The following RERE variants were observed in gnomAD, a reference collection of about 807,000 sequenced individuals.
The protein encoded by RERE is arginine-glutamic acid dipeptide repeats protein.
Under a neutral mutation model 146.1 loss-of-function variants are expected in RERE, and 40 were observed. The observed-to-expected ratio is 0.27, with a 90% CI of 0.21 to 0.36. The LOEUF (loss-of-function observed/expected upper bound fraction) is 0.36. Among genes scored for constraint, RERE ranks in the 10% least tolerant of loss-of-function variants. The probability of loss-of-function intolerance (pLI) is 1.00; values close to 1 mark genes in which losing one functional copy is unlikely to be tolerated. For synonymous variants in RERE, 1,003 were observed against 866.0 expected (o/e 1.16, Z -2.78); for missense variants, 1,933 against 2,138.7 (o/e 0.90, Z 1.90).
Position 8,358,298 on chromosome 1 carries a change from G to A in RERE, c.4237C>T (p.Pro1413Ser), listed in dbSNP as rs775889822. 6.2e-7 allele frequency: 1 copy of A among 1,613,658 alleles called. No individual in the cohort carries two copies. Among genetic ancestry groups the A allele is most frequent in the South Asian group, 1.1e-5 (1 of 91,076 alleles). ...TTGAACATCTGCAGTCGGGCCAGGG[G>A]ATCGCTGGTCAGCGATGCCATGCGC... ...AERMASLTSD[P>S]LARLQMFNVT... Residue 1413 changes from proline (P) to serine (S), a missense_variant, in exon 20 of 23, where the codon CCC (proline) becomes TCC (serine). Around this residue, in one of 11 missense-constraint regions of RERE, gnomAD observed 47 missense variants for 58.6 expected, o/e 0.80. Coordinates refer to ENST00000400908, the MANE Select transcript of RERE (RefSeq NM_001042681.2).
At chr1:8,676,215 G>A (rs1186428215) in intron 1 of RERE, among the ~76,000 whole-genome samples, 2 of 152,058 alleles carry the variant, frequency 1.3e-5, no homozygotes, top group Admixed American at 6.5e-5. Flanking sequence ...TCACAGATTA[G>A]AATAACACAA....
At position 8,509,399 on chromosome 1, in the gene RERE, G is replaced by GCCATCCATCCATCCAT. The variant is rs755830199; in HGVS notation, c.831-740_831-725dup. Among the ~76,000 whole-genome samples, 20 of 137,220 alleles carry GCCATCCATCCATCCAT rather than the reference G, an allele frequency of 1.5e-4. 1 individual carries two copies. The highest frequency in any genetic ancestry group is 4.9e-4 in the African/African-American group (19 of 38,674). 90.0% of individuals were successfully genotyped at this position (137,220 alleles called of 152,430 possible). A position where few individuals can be genotyped will look rare whatever the true frequency, so the allele number is the denominator to read the frequency against. On this transcript the variant is annotated intron_variant, in intron 7 of 22. Coordinates refer to ENST00000400908, the MANE Select transcript of RERE (RefSeq NM_001042681.2). ...AAACTTATCCTAGGACATATACTGA[G>GCCATCCATCCATCCAT]CCATCCATCCATCCATCCATCCATC...
At chr1:8,605,716 T>G (rs150762398) in intron 4 of RERE, among the ~76,000 whole-genome samples, 1,331 of 110,042 alleles carry the variant, frequency 0.012, 22 homozygotes, top group African/African-American at 0.046. Flanking sequence ...TTGCACTCCA[T>G]CCTGGGCAAC....
At chr1:8,760,313 C>A (rs561032238) in intron 1 of RERE, among the ~76,000 whole-genome samples, 2 of 152,400 alleles carry the variant, frequency 1.3e-5, no homozygotes, top group South Asian at 2.1e-4. Flanking sequence ...AGGCGTAAGC[C>A]ACTGCGCCCA....
intron 11 of RERE, among the ~76,000 whole-genome samples, chr1:8,446,368 CT>C (rs1344233315): frequency 6.6e-6 from 1 of 152,010 alleles, no homozygotes; most frequent in African/African-American, 2.4e-5. Flanking sequence ...CTGATATGGG[CT>C]TCCCTTTGTG....
chr1:8,682,007 T>C (rs938275976), intron 1 of RERE, among the ~76,000 whole-genome samples: 1 of 152,202 alleles, frequency 6.6e-6, no homozygotes, highest in Non-Finnish European at 1.5e-5. Flanking sequence ...CATTTCAACA[T>C]AACCATGCAA....
In RERE at chr1:8,733,825, A is replaced by G. The variant is rs561834133; in HGVS notation, c.-144-77384T>C. On this transcript the variant is annotated intron_variant, in intron 1 of 22. Transcript: ENST00000400908. ...TATAGGAGCTTAATCTAAAATATGT[A>G]TGTGGCTGGGCACGGTGGCTCACGC... Among the ~76,000 whole-genome samples the G allele has an allele frequency of 2.6e-5, 4 of 152,358 alleles. No homozygotes were observed. In the South Asian group the frequency reaches 8.3e-4, roughly 32 times the overall value.
chr1:8,748,439 C>G (rs1400831504), intron 1 of RERE, among the ~76,000 whole-genome samples: 3 of 152,142 alleles, frequency 2.0e-5, no homozygotes, highest in Non-Finnish European at 4.4e-5. Flanking sequence ...TCACAGGTTA[C>G]GTTGCTGTAT....
At chr1:8,392,859 A>C (rs930516429) in intron 12 of RERE, among the ~76,000 whole-genome samples, 11 of 152,308 alleles carry the variant, frequency 7.2e-5, no homozygotes, top group Admixed American at 3.9e-4. Context: ...GACCAAAGCA[A>C]GCGATACAGA....
chr1:8,749,808 G>C (rs1208491764), intron 1 of RERE, among the ~76,000 whole-genome samples: 1 of 152,152 alleles, frequency 6.6e-6, no homozygotes, highest in Non-Finnish European at 1.5e-5. Context: ...AGAGAACGAG[G>C]TGATCTATGT....
chr1:8,357,171 G>C (rs1641329413), intron 20 of RERE, among the ~76,000 whole-genome samples: 1 of 152,256 alleles, frequency 6.6e-6, no homozygotes, highest in Non-Finnish European at 1.5e-5. Flanking sequence ...AATGTGGACA[G>C]GGGTTCTGCC....
rs1465558765 is a variant in RERE at position 8,705,479 on chromosome 1, A to G, written c.-144-49038T>C. Among the ~76,000 whole-genome samples, 4 of 152,230 alleles carry G rather than the reference A, an allele frequency of 2.6e-5. No individual in the cohort carries two copies. In the East Asian group the frequency reaches 7.7e-4, roughly 29 times the overall value. On this transcript the variant is annotated intron_variant, in intron 1 of 22. Transcript: ENST00000400908. ...TCCTTCAGATCTCAGGTCAAACATC[A>G]CTTTTTCAGAGAAGCTTCCCCTGAG...
chr1:8,433,851 C>T lies in RERE; in HGVS notation c.1204-11044G>A, dbSNP rs574290844. ...CTGGGATTACAGGCGTGAGCCACCGCGCCCGGCCCCATTCATTTCTAAAAG... is the reference window on the plus strand; with the variant it reads ...CTGGGATTACAGGCGTGAGCCACCGTGCCCGGCCCCATTCATTTCTAAAAG... On this transcript the variant is annotated intron_variant, in intron 11 of 22. Transcript: ENST00000400908. 3.8e-4 allele frequency among the ~76,000 whole-genome samples: 58 copies of T among 152,302 alleles called. 1 individual carries two copies. In the South Asian group the frequency reaches 0.01, roughly 27 times the overall value.
chr1:8,471,381 T>A (rs370700717), intron 10 of RERE, among the ~76,000 whole-genome samples: 1 of 151,976 alleles, frequency 6.6e-6, no homozygotes, highest in South Asian at 2.1e-4. Context: ...GGCACGATCA[T>A]GGCTCACTGC....
intron 2 of RERE, among the ~76,000 whole-genome samples, chr1:8,641,520 T>C (rs912381261): frequency 7.2e-5 from 11 of 152,208 alleles, no homozygotes; most frequent in African/African-American, 2.4e-4. Context: ...ATAAATCTTG[T>C]TGCACTGTGA....
In RERE at chr1:8,380,495, C is replaced by T. The variant is rs886105237; in HGVS notation, c.1285-14521G>A. Among the ~76,000 whole-genome samples the T allele has an allele frequency of 5.3e-5, 8 of 152,104 alleles. No homozygotes were observed. The East Asian group carries it at 1.2e-3, about 22-fold the overall frequency. On this transcript the variant is annotated intron_variant, in intron 12 of 22. Coordinates refer to ENST00000400908, the MANE Select transcript of RERE (RefSeq NM_001042681.2). ...TCCTGAGCAGCTGGAACTATAGGCACGTGCCACCGCACCTGGCTAATTTTT... is the reference window on the plus strand; with the variant it reads ...TCCTGAGCAGCTGGAACTATAGGCATGTGCCACCGCACCTGGCTAATTTTT...
In RERE at chr1:8,495,140, T is replaced by C. The variant is rs770021803; in HGVS notation, c.1027A>G (p.Met343Val). 7.4e-6 allele frequency: 12 copies of C among 1,613,688 alleles called. No homozygotes were observed. ...TCCTCTGTAGAGCCTCCATCACACATTCCTGCAAATGCCGCCATGCTCCTT... is the reference window on the plus strand; with the variant it reads ...TCCTCTGTAGAGCCTCCATCACACACTCCTGCAAATGCCGCCATGCTCCTT... ...AARSMAAFAG[M>V]CDGGSTEDGC... The change falls in exon 10 of 23, where the codon ATG becomes GTG. Residue 343 changes from methionine to valine, a missense_variant. Physicochemically the swap from Met to Val is conservative, Grantham distance 21 (BLOSUM62 1). Coordinates refer to ENST00000400908, the MANE Select transcript of RERE (RefSeq NM_001042681.2).
At chr1:8,399,003 C>T (rs958901526) in intron 12 of RERE, among the ~76,000 whole-genome samples, 1 of 152,072 alleles carries the variant, frequency 6.6e-6, no homozygotes, top group African/African-American at 2.4e-5. Flanking sequence ...GTTAGTGAGG[C>T]TGCAAAACTT....
chr1:8,506,181 C>A (rs903121083), intron 8 of RERE, among the ~76,000 whole-genome samples: 2 of 152,130 alleles, frequency 1.3e-5, no homozygotes, highest in African/African-American at 2.4e-5. Flanking sequence ...GAATGGGAGA[C>A]GAAACTGAGT....
Sources: allele counts gnomAD v4.1 joint callset (sites outside exome capture counted in the v4.1 genomes callset), GRCh38; gene constraint gnomAD v4.1.1; regional missense constraint gnomAD v4.1.1; transcripts MANE v1.5; gene names NCBI Gene and HGNC (gene_info 2026-07-23, HGNC 2026-07-21).